The following UBE2V1 variants were observed in gnomAD, a reference collection of about 807,000 sequenced individuals.
The protein encoded by UBE2V1 is ubiquitin-conjugating enzyme E2 variant 1.
Under a neutral mutation model 19.6 loss-of-function variants are expected in UBE2V1, and 15 were observed. That is an observed-to-expected ratio of 0.77 (90% CI 0.51 to 1.18). The LOEUF is 1.18. Ranked by LOEUF, UBE2V1 falls within the 50% of genes most tolerant of loss-of-function variation. The pLI, the probability that UBE2V1 is intolerant of heterozygous loss-of-function variation, is 0.00. For missense variants in UBE2V1, 125 were observed against 184.8 expected (o/e 0.68, Z 1.88); for synonymous variants, 60 against 60.7 (o/e 0.99, Z 0.05).
upstream of UBE2V1, chr20:50,115,528 C>G: frequency 6.3e-7 from 1 of 1,597,118 alleles, no homozygotes; most frequent in Non-Finnish European, 8.6e-7. Flanking sequence ...CTTCATCACT[C>G]AGTTTGCTTT....
chr20:50,106,142 T>C (rs924716227), intron 1 of UBE2V1, among the ~76,000 whole-genome samples: 2 of 152,084 alleles, frequency 1.3e-5, no homozygotes, highest in Non-Finnish European at 2.9e-5. Flanking sequence ...TGCTAAAATA[T>C]CACAGTAATC....
intron 1 of UBE2V1, among the ~76,000 whole-genome samples, chr20:50,106,374 C>T (rs1174819131): frequency 6.6e-6 from 1 of 152,200 alleles, no homozygotes; most frequent in Non-Finnish European, 1.5e-5. Flanking sequence ...CACAGTAAAA[C>T]ATTTAATGCA....
intron 1 of UBE2V1, among the ~76,000 whole-genome samples, chr20:50,107,264 A>G (rs1223133226): frequency 6.6e-6 from 1 of 152,168 alleles, no homozygotes; most frequent in Non-Finnish European, 1.5e-5. Context: ...CTGAATCTGA[A>G]ACTCCAAGGT....
intron 2 of UBE2V1, among the ~76,000 whole-genome samples, chr20:50,093,946 C>A (rs1406466757): frequency 8.9e-4 from 121 of 136,466 alleles, no homozygotes; most frequent in Non-Finnish European, 6.1e-4. Context: ...CGAGATTGCG[C>A]CACTGCACTC....
Position 50,109,091 on chromosome 20 carries a change from T to C in UBE2V1, c.22+4016A>G, listed in dbSNP as rs369359489. The C allele has an allele frequency of 1.3e-4, 124 of 985,468 alleles. 1 individual carries two copies. In the East Asian group the frequency reaches 0.012, roughly 93 times the overall value. 61.0% of individuals were successfully genotyped at this position (985,468 alleles called of 1,614,324 possible). The stretch of plus-strand genomic sequence containing the variant: ...CTCCCTCAGTAATGTGGGTGGATAC[T>C]GCCCCTGGCTGGTGACCAGGCTGTG... On this transcript the variant is annotated intron_variant, in intron 1 of 3. Transcript: ENST00000371674.
chr20:50,094,244 T>A (rs1186964923), intron 2 of UBE2V1, among the ~76,000 whole-genome samples: 1 of 141,040 alleles, frequency 7.1e-6, no homozygotes, highest in African/African-American at 2.6e-5. Flanking sequence ...ATATAATGCA[T>A]TATATAATAT....
chr20:50,113,617 G>T (rs1191725929), upstream of UBE2V1, among the ~76,000 whole-genome samples: 1 of 152,084 alleles, frequency 6.6e-6, no homozygotes, highest in Non-Finnish European at 1.5e-5. Context: ...TAACCTCCAG[G>T]TTCAAATTTT....
intron 1 of UBE2V1, among the ~76,000 whole-genome samples, chr20:50,104,583 AG>A (rs1260986535): frequency 8.4e-6 from 1 of 118,688 alleles, no homozygotes; most frequent in Non-Finnish European, 1.7e-5. Context: ...CGTGAACCCC[AG>A]GGGGCGGAGC....
chr20:50,110,926 C>A (rs2147216242), intron 1 of UBE2V1, among the ~76,000 whole-genome samples: 1 of 152,334 alleles, frequency 6.6e-6, no homozygotes, highest in South Asian at 2.1e-4. Context: ...TTATTTGACT[C>A]AGCTGAAATG....
chr20:50,106,870 ACAAC>A (rs750125719), intron 1 of UBE2V1, among the ~76,000 whole-genome samples: 14 of 92,226 alleles, frequency 1.5e-4, no homozygotes, highest in African/African-American at 4.3e-4. Flanking sequence ...AACAACAACA[ACAAC>A]AAAAAAAAAA....
chr20:50,114,582 CTTA>C (rs1319330534), upstream of UBE2V1, among the ~76,000 whole-genome samples: 5 of 152,124 alleles, frequency 3.3e-5, no homozygotes, highest in Admixed American at 2.6e-4. Context: ...TAAAAGGGGA[CTTA>C]TTATAATCTC....
upstream of UBE2V1, among the ~76,000 whole-genome samples, chr20:50,113,865 C>T (rs1476594602): frequency 1.3e-5 from 2 of 152,168 alleles, no homozygotes; most frequent in Non-Finnish European, 2.9e-5. Context: ...GTGCTAGGCG[C>T]TGGGGATGGA....
intron 1 of UBE2V1, among the ~76,000 whole-genome samples, chr20:50,106,874 C>CAACAACAAA (rs530425666): frequency 2.4e-5 from 3 of 124,674 alleles, no homozygotes; most frequent in Admixed American, 8.2e-5. Context: ...ACAACAACAA[C>CAACAACAAA]AAAAAAAAAA....
At chr20:50,111,152 A>T in intron 1 of UBE2V1, 1 of 696,892 alleles carries the variant, frequency 1.4e-6, no homozygotes, top group Non-Finnish European at 1.8e-6. Flanking sequence ...AAACAGACAA[A>T]AGAATTTTGG....
At chr20:50,085,118 G>T (rs2078840266) in intron 2 of UBE2V1, among the ~76,000 whole-genome samples, 1 of 151,872 alleles carries the variant, frequency 6.6e-6, no homozygotes, top group Non-Finnish European at 1.5e-5. Context: ...TCGAACTCCT[G>T]ACCTCAGCTG....
intron 2 of UBE2V1, among the ~76,000 whole-genome samples, chr20:50,091,745 C>T (rs2079243232): frequency 2.0e-5 from 3 of 152,040 alleles, no homozygotes. Flanking sequence ...AGAAAGATGT[C>T]CACCATCTAT....
intron 1 of UBE2V1, among the ~76,000 whole-genome samples, chr20:50,106,667 C>A (rs1470836001): frequency 6.7e-6 from 1 of 149,882 alleles, no homozygotes; most frequent in African/African-American, 2.5e-5. Flanking sequence ...CCCGTCTCCA[C>A]TAAAAATACA....
At chr20:50,101,671 A>G (rs190535128) in intron 1 of UBE2V1, among the ~76,000 whole-genome samples, 13 of 152,096 alleles carry the variant, frequency 8.5e-5, no homozygotes, top group African/African-American at 2.9e-4. Context: ...TTCCCTATAC[A>G]TAAATTATCA....
At chr20:50,114,581 A>G (rs1326686292), upstream of UBE2V1, among the ~76,000 whole-genome samples, 1 of 152,158 alleles carries the variant, frequency 6.6e-6, no homozygotes, top group Non-Finnish European at 1.5e-5. Flanking sequence ...TTAAAAGGGG[A>G]CTTATTATAA....
Sources: allele counts gnomAD v4.1 joint callset (sites outside exome capture counted in the v4.1 genomes callset), GRCh38; gene constraint gnomAD v4.1.1; transcripts MANE v1.5; gene names NCBI Gene and HGNC (gene_info 2026-07-23, HGNC 2026-07-21).